Variants in SLIT2 observed in about 807,000 individuals in gnomAD.
The protein encoded by SLIT2 is slit guidance ligand 2.
Under a neutral mutation model 185.7 loss-of-function variants are expected in SLIT2, and 41 were observed. That is an observed-to-expected ratio of 0.22 (90% confidence interval 0.17 to 0.29). The LOEUF is 0.29. SLIT2 is among the 10% of genes least tolerant of loss of function. The pLI is 1.00. For synonymous variants in SLIT2, 693 were observed against 680.2 expected (o/e 1.02, Z -0.29); for missense variants, 1,571 against 1,909.0 (o/e 0.82, Z 3.30).
rs113022306 is a variant in SLIT2, at chr4:20,591,829, T to G, written c.3182+2092T>G. ...TGTATTGTAAGTATAAGATAAAGTA[T>G]TAGTAAGACTTAACTGAAACTATTA... On this transcript the variant is annotated intron_variant, in intron 30 of 36. Coordinates refer to ENST00000504154, the MANE Select transcript of SLIT2 (RefSeq NM_004787.4). Among the ~76,000 whole-genome samples, 25 of 152,218 alleles carry G rather than the reference T, an allele frequency of 1.6e-4. 2 individuals carry two copies. The highest frequency in any genetic ancestry group is 6.0e-4 in the African/African-American group (25 of 41,550).
intron 4 of SLIT2, chr4:20,364,261 C>T: frequency 1.0e-6 from 1 of 985,140 alleles, no homozygotes; most frequent in Non-Finnish European, 1.2e-6. Flanking sequence ...TTTCTGCATC[C>T]TTTCTGCCTG....
chr4:20,613,918 C>G (rs1298935514), intron 34 of SLIT2, among the ~76,000 whole-genome samples: 1 of 152,132 alleles, frequency 6.6e-6, no homozygotes, highest in Non-Finnish European at 1.5e-5. Flanking sequence ...GTTGCCCAGG[C>G]TGGAGCGCAA....
chr4:20,531,351 A>G (rs1424193832), intron 16 of SLIT2, among the ~76,000 whole-genome samples: 1 of 152,220 alleles, frequency 6.6e-6, no homozygotes, highest in Non-Finnish European at 1.5e-5. Context: ...ACACAAAGCA[A>G]AAGAAGCCAG....
chr4:20,395,880 G>A (rs931869091), intron 4 of SLIT2, among the ~76,000 whole-genome samples: 1 of 151,756 alleles, frequency 6.6e-6, no homozygotes, highest in African/African-American at 2.4e-5. Context: ...AATTTATTAT[G>A]TGATGCTGAC....
chr4:20,292,717 T>A (rs1479540464), intron 4 of SLIT2, among the ~76,000 whole-genome samples: 1 of 152,204 alleles, frequency 6.6e-6, no homozygotes, highest in African/African-American at 2.4e-5. Context: ...AAAATAAGAT[T>A]ATTTGGTTAG....
intron 4 of SLIT2, among the ~76,000 whole-genome samples, chr4:20,333,433 T>G (rs1220274168): frequency 6.6e-6 from 1 of 152,150 alleles, no homozygotes; most frequent in Admixed American, 6.5e-5. Context: ...CATTGTATGA[T>G]TATGCATATG....
At chr4:20,472,317 T>TATATATCTATGTATAGATCTATATAG (rs1715254972) in intron 5 of SLIT2, among the ~76,000 whole-genome samples, 1 of 32,048 alleles carries the variant, frequency 3.1e-5, no homozygotes, top group Non-Finnish European at 4.8e-5. Context: ...TATATATAGA[T>TATATATCTATGTATAGATCTATATAG]ATATATATCT....
chr4:20,402,582 A>C (rs2109402515), intron 4 of SLIT2, among the ~76,000 whole-genome samples: 1 of 151,946 alleles, frequency 6.6e-6, no homozygotes. Flanking sequence ...TAAGGGAGAA[A>C]ATTTATTTAT....
chr4:20,472,329 T>G (rs1163463429), intron 5 of SLIT2, among the ~76,000 whole-genome samples: 3 of 92,884 alleles, frequency 3.2e-5, no homozygotes, highest in Admixed American at 1.3e-4. Flanking sequence ...TATATATCTA[T>G]ATATAGATCT....
intron 4 of SLIT2, among the ~76,000 whole-genome samples, chr4:20,408,530 A>G (rs1478209543): frequency 6.0e-5 from 6 of 100,506 alleles, no homozygotes; most frequent in Admixed American, 8.8e-5. Context: ...ACGAAATTTC[A>G]GTTTGCTGAC....
Position 20,511,589 on chromosome 4 carries a change from T to TTTTTTTTTTTATTTA in SLIT2, c.1058+462_1058+463insATTTATTTTTTTTTT, listed in dbSNP as rs1449317064. Among the ~76,000 whole-genome samples, 6 of 128,252 alleles carry TTTTTTTTTTTATTTA rather than the reference T, an allele frequency of 4.7e-5. No individual in the cohort carries two copies. The East Asian group carries it at 1.2e-3, about 26-fold the overall frequency. 84.1% of individuals were successfully genotyped at this position (128,252 alleles called of 152,430 possible). ...GCGCCTGCCACCACATCCAGCTAAT[T>TTTTTTTTTTTATTTA]TTTTTTTTTTTTTTATTTTTGGTAG... On this transcript the variant is annotated intron_variant, in intron 11 of 36. Coordinates refer to ENST00000504154, the MANE Select transcript of SLIT2 (RefSeq NM_004787.4).
rs1373294844 is a variant in SLIT2 at position 20,351,220 on chromosome 4, T to G, written c.395+82339T>G. Reference sequence around the variant, plus strand: ...CCCACCAACACGACTGTCTAATTTTTGTATTTTTAGTAGAAACGGAGTTTT... The same window carrying G: ...CCCACCAACACGACTGTCTAATTTTGGTATTTTTAGTAGAAACGGAGTTTT... On this transcript the variant is annotated intron_variant, in intron 4 of 36. Coordinates refer to ENST00000504154, the MANE Select transcript of SLIT2 (RefSeq NM_004787.4). Among the ~76,000 whole-genome samples, 3 of 152,010 alleles carry G rather than the reference T, an allele frequency of 2.0e-5. No individual in the cohort carries two copies. The East Asian group carries it at 5.8e-4, about 29-fold the overall frequency.
At chr4:20,596,053 C>T (rs139341714) in intron 31 of SLIT2, among the ~76,000 whole-genome samples, 55 of 152,110 alleles carry the variant, frequency 3.6e-4, no homozygotes, top group African/African-American at 1.2e-3. Context: ...TCATTTACCC[C>T]ATAAATATAT....
chr4:20,320,151 T>C (rs1718940728), intron 4 of SLIT2, among the ~76,000 whole-genome samples: 2 of 152,208 alleles, frequency 1.3e-5, no homozygotes, highest in Non-Finnish European at 2.9e-5. Context: ...AATCTACAGA[T>C]AAACATGAAG....
chr4:20,524,946 TATAAG>T (rs1395031039), intron 14 of SLIT2, among the ~76,000 whole-genome samples, 198 bp from the exon 15 acceptor site: 2 of 152,192 alleles, frequency 1.3e-5, no homozygotes, highest in Non-Finnish European at 2.9e-5. Flanking sequence ...AAAAAGCTAA[TATAAG>T]AACCAAGCTG....
chr4:20,256,913 G>A (rs1215920757), intron 2 of SLIT2, among the ~76,000 whole-genome samples, 170 bp downstream of exon 2: 1 of 151,920 alleles, frequency 6.6e-6, no homozygotes, highest in Non-Finnish European at 1.5e-5. Context: ...AATAAAAATT[G>A]GGGCTTTTAT....
At chr4:20,285,394 A>G (rs565252577) in intron 4 of SLIT2, among the ~76,000 whole-genome samples, 62 of 152,300 alleles carry the variant, frequency 4.1e-4, no homozygotes, top group Admixed American at 7.2e-4. Flanking sequence ...GTAGCTTGTA[A>G]AGACTACTCA....
At chr4:20,274,167 ACT>A (rs766464240) in intron 4 of SLIT2, among the ~76,000 whole-genome samples, 15 of 152,266 alleles carry the variant, frequency 9.9e-5, no homozygotes, top group Non-Finnish European at 2.1e-4. Context: ...GAACAGATTG[ACT>A]CTGTATCGAG....
intron 33 of SLIT2, among the ~76,000 whole-genome samples, chr4:20,603,625 GC>G (rs1225582413): frequency 2.0e-5 from 3 of 152,112 alleles, no homozygotes; most frequent in Non-Finnish European, 4.4e-5. Context: ...TGGAAACACA[GC>G]TAGCTACTGT....
Sources: gnomAD v4.1 joint callset for allele counts (sites outside exome capture counted in the v4.1 genomes callset) on GRCh38, gnomAD v4.1.1 for gene constraint, MANE v1.5 for transcripts, NCBI Gene and HGNC (gene_info 2026-07-23, HGNC 2026-07-21) for gene names.